The following SOX6 variants were observed in gnomAD, a reference collection of about 807,000 sequenced individuals.
The protein encoded by SOX6 is transcription factor SOX-6.
A neutral mutation model predicts 97.8 loss-of-function variants in SOX6; 11 were observed. The observed-to-expected ratio is 0.11, with a 90% CI of 0.07 to 0.19. The LOEUF (loss-of-function observed/expected upper bound fraction) is 0.19, where lower values mean the gene tolerates loss of function less well. Ranked by LOEUF, SOX6 falls within the 10% of genes least tolerant of loss-of-function variation. The pLI is 1.00. For missense variants in SOX6, 810 were observed against 1,039.5 expected (o/e 0.78, Z 3.04); for synonymous variants, 360 against 371.4 (o/e 0.97, Z 0.35).
At chr11:16,123,702 C>T (rs1849545536) in intron 6 of SOX6, among the ~76,000 whole-genome samples, 1 of 151,994 alleles carries the variant, frequency 6.6e-6, no homozygotes, top group South Asian at 2.1e-4. Flanking sequence ...ACTCCTACAC[C>T]TGCTATCTCC....
intron 3 of SOX6, among the ~76,000 whole-genome samples, chr11:16,634,903 T>C (rs1269187152): frequency 6.6e-6 from 1 of 152,106 alleles, no homozygotes; most frequent in Non-Finnish European, 1.5e-5. Flanking sequence ...CGAGTTCTGA[T>C]GGTTTTATAA....
chr11:16,237,615 G>A (rs1853064296), intron 3 of SOX6, among the ~76,000 whole-genome samples: 1 of 151,876 alleles, frequency 6.6e-6, no homozygotes, highest in South Asian at 2.1e-4. Context: ...TTTGCATTAT[G>A]TACATGGAAA....
chr11:16,033,859 C>T (rs532638024), intron 12 of SOX6, among the ~76,000 whole-genome samples: 33 of 150,584 alleles, frequency 2.2e-4, no homozygotes, highest in African/African-American at 7.3e-4. Flanking sequence ...GCAACAAGAA[C>T]GAAACTCTGT....
upstream of SOX6, among the ~76,000 whole-genome samples, chr11:16,476,958 T>C (rs1355409889): frequency 2.0e-5 from 3 of 152,198 alleles, no homozygotes; most frequent in East Asian, 3.9e-4. Context: ...AGGTAACAGA[T>C]GCAACTCAAA....
At chr11:16,026,785 G>A (rs1046205133) in intron 12 of SOX6, among the ~76,000 whole-genome samples, 1 of 152,112 alleles carries the variant, frequency 6.6e-6, no homozygotes, top group South Asian at 2.1e-4. Context: ...CTTTTCTTAA[G>A]ATGAAGTAAA....
intron 3 of SOX6, among the ~76,000 whole-genome samples, chr11:16,612,430 A>G (rs1246471121): frequency 6.6e-6 from 1 of 152,182 alleles, no homozygotes; most frequent in African/African-American, 2.4e-5. Context: ...AAGGCCAAAG[A>G]CCAGAGAAGT....
At position 16,393,676 on chromosome 11, in the gene SOX6, G is replaced by A. The variant is rs943801372; in HGVS notation, c.-4-52424C>T. Among the ~76,000 whole-genome samples the A allele has an allele frequency of 3.9e-5, 6 of 152,078 alleles. No individual in the cohort carries two copies. In the South Asian group the frequency reaches 1.0e-3, roughly 26 times the overall value. On this transcript the variant is annotated intron_variant, in intron 1 of 15. Transcript: ENST00000396356. ...TTGGAACCCTAAGATATCAGGCAAGGAATTAACCACTAAACTTCATCCAAT... is the reference window on the plus strand; with the variant it reads ...TTGGAACCCTAAGATATCAGGCAAGAAATTAACCACTAAACTTCATCCAAT...
intron 6 of SOX6, among the ~76,000 whole-genome samples, chr11:16,175,039 T>C (rs1379614781): frequency 1.3e-5 from 2 of 151,932 alleles, no homozygotes; most frequent in Non-Finnish European, 2.9e-5. Flanking sequence ...AAGCTCTCGT[T>C]TGGCAGCCAG....
At chr11:16,506,637 C>G (rs1395602925) in intron 4 of SOX6, among the ~76,000 whole-genome samples, 2 of 152,204 alleles carry the variant, frequency 1.3e-5, no homozygotes, top group African/African-American at 2.4e-5. Flanking sequence ...TCTGTGCCCC[C>G]AACCAAATCT....
chr11:16,287,298 T>TCTCACACA (rs1554953497), intron 3 of SOX6, among the ~76,000 whole-genome samples: 10 of 123,446 alleles, frequency 8.1e-5, no homozygotes, highest in Admixed American at 3.4e-4. Flanking sequence ...TCTCTCTCTC[T>TCTCACACA]CACACACACA....
upstream of SOX6, among the ~76,000 whole-genome samples, chr11:16,360,147 T>C (rs576933162): frequency 6.6e-6 from 1 of 152,162 alleles, no homozygotes; most frequent in African/African-American, 2.4e-5. Flanking sequence ...AAAAAGTAAA[T>C]ATCATTGTCC....
Position 16,132,419 on chromosome 11 carries a change from AAG to A in SOX6, c.778-20498_778-20497del, listed in dbSNP as rs1457597828. Among the ~76,000 whole-genome samples the A allele has an allele frequency of 2.5e-3, 279 of 113,748 alleles. 23 individuals are homozygous for A. The highest frequency in any genetic ancestry group is 1.0e-2 in the African/African-American group (256 of 25,636). 74.6% of individuals were successfully genotyped at this position (113,748 alleles called of 152,430 possible). On this transcript the variant is annotated intron_variant, in intron 6 of 15. Coordinates refer to ENST00000683767, the MANE Select transcript of SOX6 (RefSeq NM_001367873.1). ...GAAAGAAAAAAGAAAGAAAGAAAGA[AAG>A]AAAGAAAGAAAGAAAGAAAGAAAAA...
chr11:16,675,486 T>C (rs945038025), intron 3 of SOX6, among the ~76,000 whole-genome samples: 1 of 152,238 alleles, frequency 6.6e-6, no homozygotes, highest in Non-Finnish European at 1.5e-5. Context: ...CTATTATCTT[T>C]TAAAAGTTTA....
At position 16,318,434 on chromosome 11, in the gene SOX6, G is replaced by A. The variant is rs1855816253; in HGVS notation, c.445+12C>T. 1.2e-6 allele frequency: 2 copies of A among 1,610,438 alleles called. No individual in the cohort carries two copies. Among genetic ancestry groups the A allele is most frequent in the African/African-American group, 1.3e-5 (1 of 74,358 alleles). On this transcript the variant is annotated intron_variant, in intron 3 of 15. Coordinates refer to ENST00000683767, the MANE Select transcript of SOX6 (RefSeq NM_001367873.1). ...AAAAAAAACAGAGCCCAACAGTGAA[G>A]TCCACACATACCCTCTTGTTCAGTC...
At chr11:16,290,893 G>T (rs1854890834) in intron 3 of SOX6, among the ~76,000 whole-genome samples, 1 of 152,110 alleles carries the variant, frequency 6.6e-6, no homozygotes, top group Admixed American at 6.6e-5. Flanking sequence ...ATATGCAAAT[G>T]TGCTTGTTCA....
chr11:16,503,327 C>A (rs1193413775), intron 4 of SOX6, among the ~76,000 whole-genome samples: 3 of 149,862 alleles, frequency 2.0e-5, no homozygotes, highest in African/African-American at 7.3e-5. Context: ...TCAAATGTTA[C>A]CACTACAGAA....
intron 2 of SOX6, 45 bp from the exon 3 acceptor site, chr11:16,318,698 T>G (rs762159521): frequency 6.4e-7 from 1 of 1,568,000 alleles, no homozygotes; most frequent in Non-Finnish European, 8.7e-7. Flanking sequence ...ATACGTTTCT[T>G]TGCATGCTAC....
chr11:16,288,204 C>T (rs1193528835), intron 3 of SOX6, among the ~76,000 whole-genome samples: 1 of 151,964 alleles, frequency 6.6e-6, no homozygotes, highest in Non-Finnish European at 1.5e-5. Flanking sequence ...ATTCTCTTCC[C>T]ATCATATACA....
intron 3 of SOX6, among the ~76,000 whole-genome samples, chr11:16,259,685 C>T (rs914603894): frequency 1.3e-5 from 2 of 151,960 alleles, no homozygotes; most frequent in Admixed American, 6.6e-5. Flanking sequence ...TTTATAGTTC[C>T]ATTTATATGA....
Sources: gnomAD v4.1 joint callset for allele counts (sites outside exome capture counted in the v4.1 genomes callset) on GRCh38, gnomAD v4.1.1 for gene constraint, MANE v1.5 for transcripts, NCBI Gene and HGNC (gene_info 2026-07-23, HGNC 2026-07-21) for gene names.